ERC1: variants seen among roughly 807,000 people sequenced by gnomAD.
The protein encoded by ERC1 is ELKS/RAB6-interacting/CAST family member 1.
A neutral mutation model predicts 132.0 loss-of-function variants in ERC1; 56 were observed. That is an observed-to-expected ratio of 0.42 (90% CI 0.34 to 0.53). The LOEUF is 0.53. Ranked by LOEUF, ERC1 falls within the 20% of genes least tolerant of loss-of-function variation. ERC1 has a pLI of 0.03. For missense variants in ERC1, 1,202 were observed against 1,349.9 expected, an observed-to-expected ratio of 0.89 and a Z score of 1.72; for synonymous variants, 478 against 476.1, an observed-to-expected ratio of 1.00 and a Z score of -0.05.
At chr12:1,044,290 T>C (rs1447037718) in intron 2 of ERC1, among the ~76,000 whole-genome samples, 1 of 152,244 alleles carries the variant, frequency 6.6e-6, no homozygotes, top group East Asian at 1.9e-4. Context: ...GATTTTGTTT[T>C]TGTCAGTTAT....
chr12:1,012,558 C>T (rs749608966), intron 1 of ERC1, among the ~76,000 whole-genome samples: 1 of 150,440 alleles, frequency 6.6e-6, no homozygotes, highest in Non-Finnish European at 1.5e-5. Context: ...CTGCAACCTC[C>T]ACCTCCTGGG....
At chr12:1,438,952 A>ATATATATATATATATAT (rs1555093159) in intron 17 of ERC1, among the ~76,000 whole-genome samples, 5 of 114,962 alleles carry the variant, frequency 4.3e-5, no homozygotes, top group African/African-American at 1.7e-4. Flanking sequence ...AATTTAAAAA[A>ATATATATATATATATAT]AAATATATAT....
chr12:1,211,793 C>CT (rs1957904080), intron 12 of ERC1, among the ~76,000 whole-genome samples: 1 of 149,912 alleles, frequency 6.7e-6, no homozygotes, highest in African/African-American at 2.5e-5. Context: ...TGGTCTTAAA[C>CT]TCCTGATCTG....
At chr12:1,323,903 G>A (rs6489279) in intron 15 of ERC1, among the ~76,000 whole-genome samples, 5 of 152,012 alleles carry the variant, frequency 3.3e-5, no homozygotes, top group East Asian at 1.9e-4. Flanking sequence ...CCGTTTTACC[G>A]GAATTTCGCC....
chr12:1,039,074 C>T (rs568553949), intron 2 of ERC1, among the ~76,000 whole-genome samples: 10 of 151,810 alleles, frequency 6.6e-5, no homozygotes, highest in Admixed American at 4.6e-4. Context: ...CGGTGGCTCA[C>T]GCCTGTAATC....
At chr12:1,424,852 A>AGATC (rs1161223025) in intron 17 of ERC1, among the ~76,000 whole-genome samples, 75 of 122,876 alleles carry the variant, frequency 6.1e-4, no homozygotes, top group East Asian at 1.9e-3. Context: ...GATGATAGAT[A>AGATC]GATAGATAGA....
chr12:1,298,237 A>C (rs775976384), intron 15 of ERC1, among the ~76,000 whole-genome samples: 3 of 152,198 alleles, frequency 2.0e-5, no homozygotes, highest in Non-Finnish European at 4.4e-5. Flanking sequence ...ATAACAACAA[A>C]AATTTTAAAA....
At chr12:1,146,314 T>TC in intron 8 of ERC1, among the ~76,000 whole-genome samples, 1 of 132,810 alleles carries the variant, frequency 7.5e-6, no homozygotes, top group East Asian at 2.0e-4. Context: ...ACTGGTTTTT[T>TC]TTTTTTTTTT....
chr12:1,394,015 C>CAAAAAAAAAAAA (rs1216337061), intron 16 of ERC1, among the ~76,000 whole-genome samples: 13 of 26,854 alleles, frequency 4.8e-4, no homozygotes, highest in East Asian at 8.4e-4. Flanking sequence ...GACTCCGTCT[C>CAAAAAAAAAAAA]AAAAAAAAAA....
chr12:1,207,220 A>G (rs1004564507), intron 12 of ERC1, among the ~76,000 whole-genome samples: 2 of 152,206 alleles, frequency 1.3e-5, no homozygotes, highest in Non-Finnish European at 2.9e-5. Flanking sequence ...AAAAGGCACT[A>G]TACTAGTTGC....
At chr12:1,218,635 C>G (rs539547666) in intron 12 of ERC1, among the ~76,000 whole-genome samples, 5 of 152,178 alleles carry the variant, frequency 3.3e-5, no homozygotes, top group African/African-American at 1.2e-4. Context: ...ATGGCCCCAT[C>G]TTAACTTTAC....
At chr12:1,253,402 T>C (rs1478910968) in intron 13 of ERC1, among the ~76,000 whole-genome samples, 1 of 152,070 alleles carries the variant, frequency 6.6e-6, no homozygotes, top group Admixed American at 6.6e-5. Flanking sequence ...GCTAGCTGGG[T>C]GTGGTGGCTC....
intron 16 of ERC1, among the ~76,000 whole-genome samples, chr12:1,374,796 C>A (rs1203818964): frequency 1.3e-5 from 2 of 148,530 alleles, no homozygotes; most frequent in African/African-American, 5.0e-5. Flanking sequence ...GTGTTATAGG[C>A]AGGCTGGGCT....
chr12:1,061,512 A>G lies in ERC1; in HGVS notation c.670-21652A>G, dbSNP rs180807150. Among the ~76,000 whole-genome samples, 55 of 151,968 alleles carry G rather than the reference A, an allele frequency of 3.6e-4. 2 individuals carry two copies. The highest frequency in any genetic ancestry group is 3.5e-3 in the Admixed American group (53 of 15,284). On this transcript the variant is annotated intron_variant, in intron 2 of 18. Transcript: ENST00000360905. The stretch of plus-strand genomic sequence containing the variant: ...CAGTTACTTGGGAGGCTGAGGCATG[A>G]GAATCACTTGAACCTGGGAGGCATA...
chr12:1,138,150 AT>A (rs1419652436), intron 7 of ERC1, among the ~76,000 whole-genome samples: 34 of 114,260 alleles, frequency 3.0e-4, no homozygotes, highest in Admixed American at 8.9e-4. Flanking sequence ...AATTATATTT[AT>A]TTACATAATA....
In ERC1 at chr12:1,459,624, A is replaced by G. The variant is rs145167945; in HGVS notation, c.3213+14874A>G. 4.3e-4 allele frequency among the ~76,000 whole-genome samples: 65 copies of G among 152,394 alleles called. 1 individual carries two copies. The East Asian group carries it at 0.011, about 26-fold the overall frequency. ...TGACTGATTTAGGCAGGTATCATCA[A>G]TGAATGTGAAAACACCAGGTGAAGG... On this transcript the variant is annotated intron_variant, in intron 18 of 18. Coordinates refer to ENST00000360905, the MANE Select transcript of ERC1 (RefSeq NM_178040.4).
intron 13 of ERC1, among the ~76,000 whole-genome samples, chr12:1,250,897 A>T (rs2076431263): frequency 6.6e-6 from 1 of 152,196 alleles, no homozygotes; most frequent in Non-Finnish European, 1.5e-5. Context: ...AGATTAATGG[A>T]ATGCTGTGGT....
At chr12:1,241,855 T>C (rs1317956885) in intron 13 of ERC1, among the ~76,000 whole-genome samples, 7 of 93,088 alleles carry the variant, frequency 7.5e-5, no homozygotes, top group African/African-American at 2.0e-4. Context: ...TTCTTTTTTT[T>C]TTTTTTTTTT....
intron 13 of ERC1, among the ~76,000 whole-genome samples, chr12:1,255,801 T>C (rs1160684478): frequency 2.0e-5 from 3 of 149,132 alleles, no homozygotes; most frequent in African/African-American, 7.6e-5. Flanking sequence ...CCTGGCTAAT[T>C]TTTTTTTGTA....
Sources: gnomAD v4.1 joint callset for allele counts (sites outside exome capture counted in the v4.1 genomes callset) on GRCh38, gnomAD v4.1.1 for gene constraint, MANE v1.5 for transcripts, NCBI Gene and HGNC (gene_info 2026-07-23, HGNC 2026-07-21) for gene names.